ADAMTSL1: variants seen among roughly 807,000 people sequenced by gnomAD.
ADAMTSL1 encodes ADAMTS like 1.
Under a neutral mutation model 201.8 loss-of-function variants are expected in ADAMTSL1, and 126 were observed. The observed-to-expected ratio is 0.62, with a 90% CI of 0.54 to 0.72. The LOEUF is 0.72. Ranked by LOEUF, ADAMTSL1 falls within the 30% of genes least tolerant of loss-of-function variation. The pLI, the probability that ADAMTSL1 is intolerant of heterozygous loss-of-function variation, is 0.00. For synonymous variants in ADAMTSL1, 1,121 were observed against 903.4 expected (o/e 1.24, Z -4.32); for missense variants, 2,679 against 2,277.8 (o/e 1.18, Z -3.59).
At chr9:18,157,737 T>G (rs907741618) in intron 1 of ADAMTSL1, among the ~76,000 whole-genome samples, 9 of 152,020 alleles carry the variant, frequency 5.9e-5, no homozygotes, top group Admixed American at 5.2e-4. Flanking sequence ...ACCAGGTATA[T>G]AAATGTCAAT....
intron 2 of ADAMTSL1, among the ~76,000 whole-genome samples, chr9:18,224,622 A>G (rs1046509315): frequency 6.6e-6 from 1 of 152,120 alleles, no homozygotes; most frequent in Non-Finnish European, 1.5e-5. Context: ...TCAACTTTAA[A>G]GTCCAAGTCC....
At chr9:18,265,213 C>T (rs867258072) in intron 2 of ADAMTSL1, among the ~76,000 whole-genome samples, 1 of 152,136 alleles carries the variant, frequency 6.6e-6, no homozygotes, top group African/African-American at 2.4e-5. Context: ...ATATGCCAGG[C>T]CTGTTGTACC....
intron 2 of ADAMTSL1, among the ~76,000 whole-genome samples, chr9:18,181,337 G>T (rs554499014): frequency 2.3e-4 from 35 of 152,286 alleles, no homozygotes; most frequent in African/African-American, 8.4e-4. Flanking sequence ...ATTACCATCA[G>T]AGTGAACAGG....
intron 15 of ADAMTSL1, among the ~76,000 whole-genome samples, chr9:18,733,243 C>T (rs1588008022): frequency 6.6e-6 from 1 of 152,188 alleles, no homozygotes; most frequent in African/African-American, 2.4e-5. Flanking sequence ...TTAACAAGGT[C>T]TGCTTTCTTC....
At chr9:18,174,732 A>G (rs569225074) in intron 2 of ADAMTSL1, among the ~76,000 whole-genome samples, 1 of 152,178 alleles carries the variant, frequency 6.6e-6, no homozygotes, top group Non-Finnish European at 1.5e-5. Context: ...TATTTAAAGA[A>G]TAATATTATT....
intron 2 of ADAMTSL1, among the ~76,000 whole-genome samples, chr9:18,219,398 T>A (rs1384643711): frequency 6.6e-6 from 1 of 151,908 alleles, no homozygotes; most frequent in African/African-American, 2.4e-5. Context: ...AGACAGTGTG[T>A]TGCTCTGTCG....
At chr9:18,304,540 T>G (rs1833834083) in intron 2 of ADAMTSL1, among the ~76,000 whole-genome samples, 1 of 152,058 alleles carries the variant, frequency 6.6e-6, no homozygotes, top group Admixed American at 6.6e-5. Flanking sequence ...AAACTCACAC[T>G]TAAAAACATA....
intron 1 of ADAMTSL1, among the ~76,000 whole-genome samples, chr9:18,476,884 T>C (rs916295375): frequency 2.0e-5 from 3 of 152,172 alleles, no homozygotes; most frequent in East Asian, 3.8e-4. Context: ...TGTACAAATA[T>C]TGAAGGTTGT....
At chr9:18,531,535 TAGTC>T (rs1273892767) in intron 2 of ADAMTSL1, among the ~76,000 whole-genome samples, 1 of 152,190 alleles carries the variant, frequency 6.6e-6, no homozygotes, top group African/African-American at 2.4e-5. Context: ...TGCATAGTAA[TAGTC>T]AGTCTGATTA....
chr9:18,083,193 T>G (rs1462196130), intron 1 of ADAMTSL1, among the ~76,000 whole-genome samples: 1 of 152,064 alleles, frequency 6.6e-6, no homozygotes, highest in African/African-American at 2.4e-5. Context: ...ATATTTGAGG[T>G]TTTTAGGGCC....
At chr9:18,219,891 CA>C (rs1830193349) in intron 2 of ADAMTSL1, among the ~76,000 whole-genome samples, 1 of 152,026 alleles carries the variant, frequency 6.6e-6, no homozygotes, top group South Asian at 2.1e-4. Context: ...GCTAAACTCT[CA>C]TATTAGTTTT....
chr9:18,368,955 C>A (rs1425630242), intron 2 of ADAMTSL1, among the ~76,000 whole-genome samples: 1 of 152,088 alleles, frequency 6.6e-6, no homozygotes, highest in Non-Finnish European at 1.5e-5. Flanking sequence ...TACTTTGCCT[C>A]CTGATTAACT....
At chr9:18,237,195 G>A (rs1469352564) in intron 2 of ADAMTSL1, among the ~76,000 whole-genome samples, 4 of 152,206 alleles carry the variant, frequency 2.6e-5, no homozygotes, top group African/African-American at 9.7e-5. Context: ...CCACATGGCA[G>A]ACCATGAGCT....
chr9:18,889,418 T>G (rs1829100969), intron 24 of ADAMTSL1, 150 bp from the exon 25 acceptor site: 1 of 836,442 alleles, frequency 1.2e-6, no homozygotes, highest in Non-Finnish European at 1.8e-6. Context: ...AATGGTTCCC[T>G]GCGAGGAGCA....
intron 2 of ADAMTSL1, among the ~76,000 whole-genome samples, chr9:18,466,459 C>T (rs10756966): frequency 0.57 from 86,001 of 151,958 alleles, 24,486 homozygotes; most frequent in Non-Finnish European, 0.6. Flanking sequence ...AGATGAAATA[C>T]CCGGTTTTAC....
chr9:18,825,640 C>T (rs867798876), intron 21 of ADAMTSL1, among the ~76,000 whole-genome samples: 1 of 152,146 alleles, frequency 6.6e-6, no homozygotes, highest in Non-Finnish European at 1.5e-5. Flanking sequence ...CAAGTGAACA[C>T]TCCCCACCAG....
At chr9:18,746,404 A>G (rs1191633837) in intron 15 of ADAMTSL1, among the ~76,000 whole-genome samples, 1 of 152,210 alleles carries the variant, frequency 6.6e-6, no homozygotes, top group African/African-American at 2.4e-5. Context: ...CCTCAGAGGC[A>G]TTCTAAGGGA....
chr9:18,281,872 A>G (rs1394302469), intron 2 of ADAMTSL1, among the ~76,000 whole-genome samples: 1 of 152,212 alleles, frequency 6.6e-6, no homozygotes, highest in Non-Finnish European at 1.5e-5. Flanking sequence ...ACCTGGCCCC[A>G]TTCTACAAAT....
chr9:18,884,607 G>A (rs907144981), intron 23 of ADAMTSL1, among the ~76,000 whole-genome samples: 10 of 152,052 alleles, frequency 6.6e-5, no homozygotes, highest in African/African-American at 2.2e-4. Context: ...TAAGTCATTT[G>A]TTCACATATG....
Sources: allele counts gnomAD v4.1 joint callset (sites outside exome capture counted in the v4.1 genomes callset), GRCh38; gene constraint gnomAD v4.1.1; transcripts MANE v1.5; gene names NCBI Gene and HGNC (gene_info 2026-07-23, HGNC 2026-07-21).